The following VAV2 variants were observed in gnomAD, a reference collection of about 807,000 sequenced individuals.
The protein encoded by VAV2 is guanine nucleotide exchange factor VAV2.
VAV2 carries 67 observed loss-of-function variants against 132.5 expected under a neutral mutation model. The ratio of observed to expected loss-of-function variants is 0.51; its 90% CI spans 0.42 to 0.62. The LOEUF (loss-of-function observed/expected upper bound fraction) is 0.62. Ranked by LOEUF, VAV2 falls within the 20% of genes least tolerant of loss-of-function variation. The pLI is 0.00. For synonymous variants in VAV2, 492 were observed against 443.5 expected (o/e 1.11, Z -1.37); for missense variants, 938 against 1,153.6 (o/e 0.81, Z 2.71).
intron 1 of VAV2, among the ~76,000 whole-genome samples, chr9:133,959,943 A>G (rs1234929670): frequency 1.3e-5 from 2 of 152,148 alleles, no homozygotes; most frequent in African/African-American, 2.4e-5. Flanking sequence ...CCGGAACTGG[A>G]GGAGAATGCA....
Position 133,768,432 on chromosome 9 carries a change from G to A in VAV2, c.2589+10C>T, listed in dbSNP as rs1833506056. The stretch of plus-strand genomic sequence containing the variant: ...GGCCAGCCCCACACCCTCAGGGTGG[G>A]GCCACTCACCCGTCCGTTGGTCTCG... On this transcript the variant is annotated intron_variant, in intron 29 of 29. Transcript: ENST00000371850. The surrounding 1 kb of genome is among the most constrained non-coding windows in gnomAD (Gnocchi z 5.3). The A allele has an allele frequency of 1.2e-6, 2 of 1,611,450 alleles. No individual in the cohort carries two copies.
intron 2 of VAV2, among the ~76,000 whole-genome samples, chr9:133,892,191 G>A (rs1383670349): frequency 3.3e-5 from 4 of 119,806 alleles, no homozygotes; most frequent in Admixed American, 2.8e-4. Flanking sequence ...GGTAGAGGGG[G>A]ATAAAGGGGA....
chr9:133,849,250 G>A (rs1183920490), intron 3 of VAV2, among the ~76,000 whole-genome samples: 2 of 152,176 alleles, frequency 1.3e-5, no homozygotes, highest in African/African-American at 4.8e-5. Context: ...GAAGGAGGAG[G>A]CCACTGACCC....
chr9:133,921,658 A>G (rs1445136741), intron 2 of VAV2, among the ~76,000 whole-genome samples: 2 of 152,234 alleles, frequency 1.3e-5, no homozygotes, highest in Non-Finnish European at 2.9e-5. Context: ...GTTAATATCC[A>G]CAATATGTAA....
intron 1 of VAV2, among the ~76,000 whole-genome samples, chr9:133,978,512 C>T (rs2132281738): frequency 6.6e-6 from 1 of 152,388 alleles, no homozygotes; most frequent in South Asian, 2.1e-4. Context: ...TTCGCGCTGC[C>T]TTTGAACCCA....
In VAV2 at chr9:133,763,682, C is replaced by A; in HGVS notation, c.*380G>T. On this transcript the variant is annotated 3_prime_UTR_variant, in exon 30 of 30. Transcript: ENST00000371850. This position sits in a 1 kb window ranked among gnomAD's most constrained non-coding sequence, Gnocchi z 6.8. ...GTCCCCTCCGATGTCCCTAGCCCTT[C>A]CTGGGACAGCATCTGCTGTTCAAAC... 1 of 265,932 alleles carries A rather than the reference C, an allele frequency of 3.8e-6. No homozygotes were observed. Among genetic ancestry groups the A allele is most frequent in the Non-Finnish European group, 7.4e-6 (1 of 135,726 alleles). The allele number at this position is 265,932 out of a possible 1,614,324, so 16.5% of individuals were successfully genotyped here. A position where few individuals can be genotyped will look rare whatever the true frequency, so the allele number is the denominator to read the frequency against.
In VAV2 at chr9:133,795,696, T is replaced by C. The variant is rs201146753; in HGVS notation, c.1073A>G (p.Gln358Arg). The C allele has an allele frequency of 3.7e-5, 60 of 1,614,196 alleles. No individual in the cohort carries two copies. Among genetic ancestry groups the C allele is most frequent in the Non-Finnish European group, 4.9e-5 (58 of 1,180,004 alleles). ...CATGGCTTCCAGTGCTTCTTTGAGC[T>C]GCTGCCTCTCAGGCCGTTCCGCAGA... ...SHSAERPERQ[Q>R]LKEALEAMQD... The change falls in exon 12 of 30, where the codon CAG (glutamine) becomes CGG (arginine). Residue 358 changes from glutamine (Q) to arginine (R), a missense_variant. Coordinates refer to ENST00000371850, the MANE Select transcript of VAV2 (RefSeq NM_001134398.2).
chr9:133,939,275 T>G, intron 1 of VAV2, 56 bp from the exon 2 acceptor site: 8 of 1,496,844 alleles, frequency 5.3e-6, no homozygotes, highest in South Asian at 1.1e-5. Context: ...CTGTAAGCTC[T>G]GTAAAAACCG....
At chr9:133,866,140 T>G (rs1387966620) in intron 2 of VAV2, among the ~76,000 whole-genome samples, 2 of 151,740 alleles carry the variant, frequency 1.3e-5, no homozygotes, top group Non-Finnish European at 2.9e-5. Context: ...AGGGTGGGCC[T>G]GGTTCCAGGC....
chr9:133,921,982 G>A (rs1223549362), intron 2 of VAV2, among the ~76,000 whole-genome samples: 1 of 152,256 alleles, frequency 6.6e-6, no homozygotes, highest in African/African-American at 2.4e-5. Context: ...GGCAGGGCGA[G>A]TGGGCCAGCT....
chr9:133,904,784 C>T (rs1193378494), intron 2 of VAV2, among the ~76,000 whole-genome samples: 1 of 152,258 alleles, frequency 6.6e-6, no homozygotes, highest in Non-Finnish European at 1.5e-5. Flanking sequence ...AAGCTCACCT[C>T]CCCAAGAAGG....
intron 2 of VAV2, among the ~76,000 whole-genome samples, chr9:133,925,675 G>A (rs1374343351): frequency 1.3e-5 from 2 of 151,970 alleles, no homozygotes; most frequent in Non-Finnish European, 2.9e-5. Flanking sequence ...CACACACTTT[G>A]TCATTCCAGA....
intron 2 of VAV2, among the ~76,000 whole-genome samples, chr9:133,894,274 G>C (rs376369541): frequency 6.6e-6 from 1 of 152,234 alleles, no homozygotes; most frequent in Non-Finnish European, 1.5e-5. Context: ...GCCAGGGATG[G>C]TGCCGGCCAT....
intron 1 of VAV2, among the ~76,000 whole-genome samples, chr9:133,966,148 C>T (rs1330722528): frequency 2.0e-5 from 3 of 152,218 alleles, no homozygotes; most frequent in African/African-American, 7.2e-5. Context: ...GGATTAAAGA[C>T]TTACCCATAA....
At chr9:133,950,406 G>C (rs578151) in intron 1 of VAV2, among the ~76,000 whole-genome samples, 68,605 of 151,932 alleles carry the variant, frequency 0.45, 15,822 homozygotes, top group African/African-American at 0.55. Context: ...CCAGCCGTGC[G>C]TGTTCAGAGC....
At chr9:133,770,250 C>G in intron 27 of VAV2, 128 bp downstream of exon 27, 2 of 1,427,782 alleles carry the variant, frequency 1.4e-6, no homozygotes, top group Admixed American at 4.2e-5. Context: ...GGGGGAGGGG[C>G]GGGGGCTGTG....
chr9:133,943,594 A>G (rs528323204), intron 1 of VAV2, among the ~76,000 whole-genome samples: 1 of 152,298 alleles, frequency 6.6e-6, no homozygotes, highest in South Asian at 2.1e-4. Flanking sequence ...CCAGAAAACA[A>G]GCCCTGTGAC....
At chr9:133,939,255 C>G in intron 1 of VAV2, 36 bp from the exon 2 acceptor site, 4 of 1,572,584 alleles carry the variant, frequency 2.5e-6, no homozygotes, top group Non-Finnish European at 2.6e-6. Context: ...CAAGGAAAAA[C>G]TTATTAAAAC....
intron 2 of VAV2, among the ~76,000 whole-genome samples, chr9:133,915,650 T>G (rs548786575): frequency 2.6e-5 from 4 of 151,556 alleles, no homozygotes; most frequent in African/African-American, 9.7e-5. Context: ...ACGATGTACA[T>G]GTACACGACG....
Sources: gnomAD v4.1 joint callset for allele counts (sites outside exome capture counted in the v4.1 genomes callset) on GRCh38, gnomAD v4.1.1 for gene constraint, Gnocchi (gnomAD v3.1) non-coding constraint, MANE v1.5 for transcripts, NCBI Gene and HGNC (gene_info 2026-07-23, HGNC 2026-07-21) for gene names.